RUFY3: variants seen among roughly 807,000 people sequenced by gnomAD.
RUFY3 encodes protein RUFY3.
In RUFY3, 34 loss-of-function variants were observed where a neutral mutation model predicts 84.0. The observed-to-expected ratio is 0.40, with a 90% CI of 0.31 to 0.54. RUFY3 has a LOEUF of 0.54. RUFY3 is among the 20% of genes least tolerant of loss of function. RUFY3 has a pLI of 0.39. For synonymous variants in RUFY3, 242 were observed against 252.9 expected (o/e 0.96, Z 0.41); for missense variants, 507 against 736.8 (o/e 0.69, Z 3.61).
At chr4:70,797,572 C>T (rs780856851) in intron 14 of RUFY3, among the ~76,000 whole-genome samples, 2 of 152,108 alleles carry the variant, frequency 1.3e-5, no homozygotes, top group African/African-American at 4.8e-5. Flanking sequence ...AGGCCAGGCA[C>T]GGTGGCTCAC....
At chr4:70,792,905 T>C (rs1023683977) in intron 12 of RUFY3, 1 of 985,336 alleles carries the variant, frequency 1.0e-6, no homozygotes, top group African/African-American at 1.7e-5. Context: ...TATTCTTCTC[T>C]TCATCAACCT....
intron 1 of RUFY3, among the ~76,000 whole-genome samples, chr4:70,740,730 A>G (rs1238167919): frequency 6.6e-6 from 1 of 152,200 alleles, no homozygotes; most frequent in Non-Finnish European, 1.5e-5. Flanking sequence ...ATGTCTATAT[A>G]TAATGTATTT....
At chr4:70,779,309 G>A (rs989475819) in intron 8 of RUFY3, among the ~76,000 whole-genome samples, 4 of 152,118 alleles carry the variant, frequency 2.6e-5, no homozygotes, top group Non-Finnish European at 5.9e-5. Flanking sequence ...GCTGAGTTCC[G>A]TCACTGGAAA....
At chr4:70,738,652 G>T (rs1027266561) in intron 1 of RUFY3, among the ~76,000 whole-genome samples, 1 of 151,450 alleles carries the variant, frequency 6.6e-6, no homozygotes, top group African/African-American at 2.4e-5. Flanking sequence ...GTGAGCCACC[G>T]TGCCCAGCCA....
At chr4:70,737,846 G>A (rs1372274492) in intron 1 of RUFY3, among the ~76,000 whole-genome samples, 1 of 151,494 alleles carries the variant, frequency 6.6e-6, no homozygotes, top group African/African-American at 2.4e-5. Flanking sequence ...GCTAATTTTT[G>A]TATTTTTAGT....
At chr4:70,710,436 C>G (rs187939547) in intron 1 of RUFY3, among the ~76,000 whole-genome samples, 281 of 152,204 alleles carry the variant, frequency 1.8e-3, no homozygotes, top group South Asian at 4.1e-3. Flanking sequence ...TTTGGGAGGC[C>G]AAGGCAGGCG....
At chr4:70,752,983 C>T (rs1276794326) in intron 1 of RUFY3, among the ~76,000 whole-genome samples, 1 of 152,176 alleles carries the variant, frequency 6.6e-6, no homozygotes, top group Non-Finnish European at 1.5e-5. Flanking sequence ...GGTGTCAATT[C>T]CTTAAATGAC....
Position 70,807,547 on chromosome 4 carries a change from G to T in RUFY3, c.*888G>T, listed in dbSNP as rs6446829. Among the ~76,000 whole-genome samples, 270 of 152,224 alleles carry T rather than the reference G, an allele frequency of 1.8e-3. No homozygotes were observed. The highest frequency in any genetic ancestry group is 4.2e-3 in the African/African-American group (174 of 41,526). On this transcript the variant is annotated 3_prime_UTR_variant, in exon 18 of 18. Transcript: ENST00000381006. The stretch of plus-strand genomic sequence containing the variant: ...GTTTAATTTGTTTTCTTAAGACAGG[G>T]TCTTGCTCTGTTGCACAAGCTGGAG...
At chr4:70,760,821 C>T (rs1186940911) in intron 1 of RUFY3, among the ~76,000 whole-genome samples, 4 of 152,184 alleles carry the variant, frequency 2.6e-5, no homozygotes, top group Admixed American at 2.6e-4. Flanking sequence ...TTCTGACTCT[C>T]ACATAAAGTG....
chr4:70,754,225 G>A (rs1024951383), intron 1 of RUFY3, among the ~76,000 whole-genome samples: 2 of 152,014 alleles, frequency 1.3e-5, no homozygotes, highest in African/African-American at 4.8e-5. Context: ...GCTAACTTTT[G>A]TACTTTTAGT....
chr4:70,791,973 A>G, intron 12 of RUFY3: 1 of 984,314 alleles, frequency 1.0e-6, no homozygotes, highest in Non-Finnish European at 1.2e-6. Context: ...AAATAAAGTT[A>G]GTAATTAGGT....
intron 1 of RUFY3, among the ~76,000 whole-genome samples, chr4:70,753,308 C>T (rs1241792756): frequency 2.0e-5 from 3 of 152,134 alleles, no homozygotes; most frequent in Middle Eastern, 3.2e-3. Flanking sequence ...AGCTAAATGT[C>T]AGTATTGTTA....
At chr4:70,748,882 C>G (rs1267678982) in intron 1 of RUFY3, among the ~76,000 whole-genome samples, 2 of 152,114 alleles carry the variant, frequency 1.3e-5, no homozygotes, top group Non-Finnish European at 2.9e-5. Context: ...TGACATAACC[C>G]AGTAAAGAAA....
chr4:70,774,644 A>ATATATATATAT (rs1305120705), intron 6 of RUFY3, among the ~76,000 whole-genome samples: 1 of 56,676 alleles, frequency 1.8e-5, no homozygotes, highest in Non-Finnish European at 3.1e-5. Flanking sequence ...AAAAAAAAAA[A>ATATATATATAT]ATATATATAT....
chr4:70,704,649 G>A (rs930282545), upstream of RUFY3, among the ~76,000 whole-genome samples: 4 of 151,644 alleles, frequency 2.6e-5, no homozygotes, highest in Non-Finnish European at 4.4e-5. Context: ...CCCCCTAGGG[G>A]AGCCGAGTCA....
At chr4:70,801,558 G>T (rs1732233505) in intron 15 of RUFY3, among the ~76,000 whole-genome samples, 1 of 152,202 alleles carries the variant, frequency 6.6e-6, no homozygotes, top group Admixed American at 6.5e-5. Flanking sequence ...TAGTGATGAG[G>T]AATGATACCA....
Position 70,794,898 on chromosome 4 carries a change from A to T in RUFY3, c.1557+4A>T. Reference sequence around the variant, plus strand: ...CCAGAAGTCAGAATCCAAGATGGTAATATTTGCTATTCCCTTGTTCTTTTA... The same window carrying T: ...CCAGAAGTCAGAATCCAAGATGGTATTATTTGCTATTCCCTTGTTCTTTTA... On this transcript the variant is annotated splice_donor_region_variant and intron_variant, in intron 14 of 17. Transcript: ENST00000381006. The T allele has an allele frequency of 6.5e-7, 1 of 1,544,148 alleles. No individual in the cohort carries two copies.
chr4:70,720,337 C>T (rs1401365853), upstream of RUFY3, among the ~76,000 whole-genome samples: 1 of 152,210 alleles, frequency 6.6e-6, no homozygotes, highest in African/African-American at 2.4e-5. Flanking sequence ...GCACATGCCA[C>T]CACATCTGAC....
chr4:70,782,291 CTTT>C (rs768126305), intron 8 of RUFY3, among the ~76,000 whole-genome samples: 4 of 135,620 alleles, frequency 2.9e-5, no homozygotes, highest in Non-Finnish European at 3.2e-5. Flanking sequence ...TATTTTATTT[CTTT>C]TTTTTTTTTT....
Sources: allele counts gnomAD v4.1 joint callset (sites outside exome capture counted in the v4.1 genomes callset), GRCh38; gene constraint gnomAD v4.1.1; transcripts MANE v1.5; gene names NCBI Gene and HGNC (gene_info 2026-07-23, HGNC 2026-07-21).